Variants in ADAMTS17 observed in about 807,000 individuals in gnomAD.
ADAMTS17 encodes the protein A disintegrin and metalloproteinase with thrombospondin motifs 17.
ADAMTS17 carries 113 observed loss-of-function variants against 141.5 expected under a neutral mutation model. The observed-to-expected ratio is 0.80, with a 90% CI of 0.69 to 0.93. The LOEUF is 0.93. Ranked by LOEUF, ADAMTS17 falls within the 40% of genes least tolerant of loss-of-function variation. The pLI, the probability that ADAMTS17 is intolerant of heterozygous loss-of-function variation, is 0.00. For synonymous variants in ADAMTS17, 768 were observed against 630.6 expected (o/e 1.22, Z -3.27); for missense variants, 1,659 against 1,517.9 (o/e 1.09, Z -1.54).
chr15:100,020,803 G>A lies in ADAMTS17; in HGVS notation c.2592-23214C>T, dbSNP rs370406722. 2.8e-4 allele frequency among the ~76,000 whole-genome samples: 43 copies of A among 152,338 alleles called. No homozygotes were observed. In the South Asian group the frequency reaches 8.9e-3, roughly 32 times the overall value. The stretch of plus-strand genomic sequence containing the variant: ...CTGACCCAGTGGCTGGCGTTCGGCT[G>A]TGTCTATCTCCATGCACTGACTCAA... On this transcript the variant is annotated intron_variant, in intron 18 of 21. Transcript: ENST00000268070.
intron 18 of ADAMTS17, among the ~76,000 whole-genome samples, chr15:100,004,937 G>C (rs1203226539): frequency 6.6e-6 from 1 of 152,178 alleles, no homozygotes; most frequent in Non-Finnish European, 1.5e-5. Flanking sequence ...TGAAGTTTTA[G>C]TAGAGATGGA....
intron 8 of ADAMTS17, among the ~76,000 whole-genome samples, chr15:100,169,624 G>A (rs1275529749): frequency 6.6e-6 from 1 of 152,190 alleles, no homozygotes; most frequent in East Asian, 1.9e-4. Context: ...CACTGAGGAT[G>A]CAATTGCCCC....
intron 7 of ADAMTS17, among the ~76,000 whole-genome samples, chr15:100,208,802 A>G (rs894845066): frequency 3.3e-5 from 5 of 152,206 alleles, no homozygotes; most frequent in African/African-American, 1.2e-4. Context: ...AGTCAAGGTC[A>G]CTGGACAATT....
chr15:100,180,291 T>C (rs190662270), intron 8 of ADAMTS17, among the ~76,000 whole-genome samples: 102 of 152,346 alleles, frequency 6.7e-4, no homozygotes, highest in African/African-American at 2.4e-3. Context: ...CCCCAACGTA[T>C]GTTCTTGGCA....
intron 7 of ADAMTS17, among the ~76,000 whole-genome samples, chr15:100,240,180 A>C (rs1233297414): frequency 6.6e-6 from 1 of 152,132 alleles, no homozygotes; most frequent in African/African-American, 2.4e-5. Context: ...CTGGGCCCTT[A>C]ATGGAGACTG....
intron 8 of ADAMTS17, among the ~76,000 whole-genome samples, chr15:100,188,393 T>TA (rs532563731): frequency 0.052 from 7,410 of 142,786 alleles, 475 homozygotes; most frequent in African/African-American, 0.15. Flanking sequence ...CCCTGTCTCT[T>TA]AAAAAAAAAA....
chr15:100,058,987 G>A (rs927680443), intron 15 of ADAMTS17, among the ~76,000 whole-genome samples: 3 of 152,196 alleles, frequency 2.0e-5, no homozygotes, highest in Admixed American at 2.0e-4. Flanking sequence ...TGGCGTATTT[G>A]CTTCCCAAAG....
chr15:100,205,372 G>A (rs181379959), intron 7 of ADAMTS17, among the ~76,000 whole-genome samples: 11 of 152,280 alleles, frequency 7.2e-5, no homozygotes, highest in African/African-American at 7.2e-5. Context: ...AAAACATGCC[G>A]GGAGAGGGGA....
intron 18 of ADAMTS17, among the ~76,000 whole-genome samples, chr15:100,007,408 G>C (rs1403843022): frequency 6.9e-6 from 1 of 144,938 alleles, no homozygotes; most frequent in Non-Finnish European, 1.6e-5. Flanking sequence ...AACATGCCTT[G>C]GTAGAAGACT....
intron 4 of ADAMTS17, among the ~76,000 whole-genome samples, chr15:100,278,046 A>G (rs1358385907): frequency 6.6e-6 from 1 of 152,260 alleles, no homozygotes; most frequent in Non-Finnish European, 1.5e-5. Flanking sequence ...TGTCCACAAA[A>G]GGATAAATAC....
chr15:100,321,240 A>T (rs2045724381), intron 3 of ADAMTS17, among the ~76,000 whole-genome samples: 1 of 152,176 alleles, frequency 6.6e-6, no homozygotes, highest in South Asian at 2.1e-4. Context: ...AGAGAAGGGG[A>T]AATTTTTTTT....
chr15:100,109,203 C>T, intron 13 of ADAMTS17, 87 bp from the exon 14 acceptor site: 1 of 1,541,786 alleles, frequency 6.5e-7, no homozygotes, highest in Non-Finnish European at 8.8e-7. Flanking sequence ...AGAGGGAAAC[C>T]CTGAGGAAGA....
intron 7 of ADAMTS17, among the ~76,000 whole-genome samples, chr15:100,211,510 A>C (rs1206012646): frequency 6.6e-6 from 1 of 152,172 alleles, no homozygotes; most frequent in Non-Finnish European, 1.5e-5. Context: ...AAGAATGGAA[A>C]CAACTTCGAA....
rs60035034 is a variant in ADAMTS17, at chr15:100,140,488, C to CATATAT, written c.1474-7179_1474-7174dup. On this transcript the variant is annotated intron_variant, in intron 10 of 21. Transcript: ENST00000268070. ...ACACACAGACACACACACATACATACATATATATATATATATATATCCAGT... is the reference window on the plus strand; with the variant it reads ...ACACACAGACACACACACATACATACATATATATATATATATATATATATATCCAGT... 3.3e-3 allele frequency among the ~76,000 whole-genome samples: 412 copies of CATATAT among 124,964 alleles called. 22 individuals are homozygous for CATATAT. Among genetic ancestry groups the CATATAT allele is most frequent in the East Asian group, 0.026 (105 of 4,082 alleles). The allele number at this position is 124,964 out of a possible 152,430, so 82.0% of individuals were successfully genotyped here.
intron 14 of ADAMTS17, among the ~76,000 whole-genome samples, chr15:100,103,106 T>C (rs2036217205): frequency 6.6e-6 from 1 of 152,200 alleles, no homozygotes; most frequent in Non-Finnish European, 1.5e-5. Context: ...GAGTCCCGCA[T>C]GGAAGAGGCA....
At chr15:100,182,507 C>A (rs555518261) in intron 8 of ADAMTS17, among the ~76,000 whole-genome samples, 1 of 152,300 alleles carries the variant, frequency 6.6e-6, no homozygotes, top group South Asian at 2.1e-4. Flanking sequence ...ACAGAGATTA[C>A]CTCTCTGTGC....
rs1326918055 is a variant in ADAMTS17 at position 100,275,014 on chromosome 15, G to GGAATT, written c.789+6210_789+6214dup. On this transcript the variant is annotated intron_variant, in intron 4 of 21. Transcript: ENST00000268070. Reference sequence around the variant, plus strand: ...TGGTTTTTTGAAAGCAAATAAATATGGAATTGTAAATTCAGATGAGGACTA... The same window carrying GGAATT: ...TGGTTTTTTGAAAGCAAATAAATATGGAATTGAATTGTAAATTCAGATGAGGACTA... 2.6e-5 allele frequency among the ~76,000 whole-genome samples: 4 copies of GGAATT among 152,078 alleles called. No homozygotes were observed. In the East Asian group the frequency reaches 7.7e-4, roughly 29 times the overall value.
At chr15:100,095,084 C>T (rs1316507337) in intron 15 of ADAMTS17, among the ~76,000 whole-genome samples, 2 of 152,244 alleles carry the variant, frequency 1.3e-5, no homozygotes, top group East Asian at 3.9e-4. Context: ...GGATCGTCTC[C>T]AGGGGCCAGT....
intron 3 of ADAMTS17, among the ~76,000 whole-genome samples, chr15:100,293,030 A>G (rs190289589): frequency 2.6e-5 from 4 of 152,368 alleles, no homozygotes; most frequent in Admixed American, 2.6e-4. Context: ...TTGTTTAATT[A>G]TATCTTATAG....
Sources: gnomAD v4.1 joint callset for allele counts (sites outside exome capture counted in the v4.1 genomes callset) on GRCh38, gnomAD v4.1.1 for gene constraint, MANE v1.5 for transcripts, NCBI Gene and HGNC (gene_info 2026-07-23, HGNC 2026-07-21) for gene names.